KLHL29: variants seen among roughly 807,000 people sequenced by gnomAD.
KLHL29 encodes kelch-like protein 29.
In KLHL29, 21 loss-of-function variants were observed where a neutral mutation model predicts 80.4. The observed-to-expected ratio is 0.26, with a 90% confidence interval of 0.19 to 0.38. KLHL29 has a LOEUF of 0.38. Ranked by LOEUF, KLHL29 falls within the 10% of genes least tolerant of loss-of-function variation. The pLI is 1.00. For synonymous variants in KLHL29, 511 were observed against 526.8 expected (o/e 0.97, Z 0.41); for missense variants, 867 against 1,223.9 (o/e 0.71, Z 4.35).
intron 1 of KLHL29, among the ~76,000 whole-genome samples, chr2:23,408,707 C>G (rs554813616): frequency 5.0e-4 from 76 of 152,280 alleles, no homozygotes; most frequent in African/African-American, 1.7e-3. Flanking sequence ...GAATATTGTA[C>G]TAAAAGATTG....
At chr2:23,516,887 G>C (rs1490404300) in intron 2 of KLHL29, among the ~76,000 whole-genome samples, 1 of 152,240 alleles carries the variant, frequency 6.6e-6, no homozygotes, top group Non-Finnish European at 1.5e-5. Context: ...CAGACCCTCA[G>C]AGCAGAACCA....
chr2:23,526,482 G>A (rs113002899), intron 2 of KLHL29, among the ~76,000 whole-genome samples: 1,976 of 152,312 alleles, frequency 0.013, 37 homozygotes, highest in African/African-American at 0.044. Flanking sequence ...AGCCTGAGAC[G>A]CCCTGAATTC....
rs114850126 is a variant in KLHL29, at chr2:23,400,147, C to T, written c.-154+14367C>T. 1.9e-3 allele frequency among the ~76,000 whole-genome samples: 295 copies of T among 152,260 alleles called. 1 individual carries two copies. Among genetic ancestry groups the T allele is most frequent in the African/African-American group, 6.8e-3 (282 of 41,536 alleles). On this transcript the variant is annotated intron_variant, in intron 1 of 13. Coordinates refer to ENST00000486442, the MANE Select transcript of KLHL29 (RefSeq NM_052920.2). ...TGGACAGATGGCCTTAACAGGTTGACGTCCCTGAGCTGTGATAGCTGCCAC... is the reference window on the plus strand; with the variant it reads ...TGGACAGATGGCCTTAACAGGTTGATGTCCCTGAGCTGTGATAGCTGCCAC...
At chr2:23,639,787 AC>A in intron 4 of KLHL29, among the ~76,000 whole-genome samples, 1 of 152,256 alleles carries the variant, frequency 6.6e-6, no homozygotes, top group Middle Eastern at 3.4e-3. Flanking sequence ...CCCTCAGGAT[AC>A]ACAGAACACC....
chr2:23,493,407 G>C (rs1665162926), intron 2 of KLHL29, among the ~76,000 whole-genome samples: 1 of 152,060 alleles, frequency 6.6e-6, no homozygotes, highest in African/African-American at 2.4e-5. Flanking sequence ...TTTTACTGAT[G>C]ATATTTTCCA....
At chr2:23,685,755 T>C (rs1671227539) in intron 6 of KLHL29, among the ~76,000 whole-genome samples, 1 of 152,146 alleles carries the variant, frequency 6.6e-6, no homozygotes, top group South Asian at 2.1e-4. Context: ...GCATGTGGTC[T>C]GGGGTGAAGG....
At chr2:23,533,826 G>A (rs1666577773) in intron 2 of KLHL29, among the ~76,000 whole-genome samples, 1 of 152,198 alleles carries the variant, frequency 6.6e-6, no homozygotes, top group South Asian at 2.1e-4. Context: ...CAACCTTTGT[G>A]AACCCGGTTT....
At position 23,703,757 on chromosome 2, in the gene KLHL29, G is replaced by A. The variant is rs185152824; in HGVS notation, c.2338G>A (p.Val780Ile). Reference sequence around the variant, plus strand: ...CCCCGCTGTCACGCTCAATGGCTTCGTTTTCATCCTGGGCGGGGCTTATGC... The same window carrying A: ...CCCCGCTGTCACGCTCAATGGCTTCATTTTCATCCTGGGCGGGGCTTATGC... Reference protein sequence around the residue: ...YAPAVTLNGFVFILGGAYARA... With the variant: ...YAPAVTLNGFIFILGGAYARA... The change falls in exon 13 of 14, where the codon GTT (valine) becomes ATT (isoleucine). Residue 780 changes from valine (V) to isoleucine (I), a missense_variant. Physicochemically the swap from Val to Ile is conservative, Grantham distance 29. Transcript: ENST00000486442. 1.7e-4 allele frequency: 269 copies of A among 1,537,272 alleles called. No homozygotes were observed. Among genetic ancestry groups the A allele is most frequent in the Admixed American group, 1.7e-3 (85 of 50,990 alleles).
At chr2:23,512,134 A>T (rs550294297) in intron 2 of KLHL29, among the ~76,000 whole-genome samples, 57 of 152,244 alleles carry the variant, frequency 3.7e-4, no homozygotes, top group Non-Finnish European at 5.3e-4. Context: ...TCTGAGCCTC[A>T]GTTTCCTCGT....
chr2:23,420,501 G>C (rs1662769454), intron 1 of KLHL29, among the ~76,000 whole-genome samples: 1 of 152,148 alleles, frequency 6.6e-6, no homozygotes, highest in South Asian at 2.1e-4. Flanking sequence ...TTCATCTCAG[G>C]GCCCTGCTCA....
rs145233662 is a variant in KLHL29 at position 23,405,530 on chromosome 2, C to T, written c.-154+19750C>T. Among the ~76,000 whole-genome samples, 211 of 152,324 alleles carry T rather than the reference C, an allele frequency of 1.4e-3. 1 individual carries two copies. Among genetic ancestry groups the T allele is most frequent in the African/African-American group, 4.9e-3 (203 of 41,580 alleles). On this transcript the variant is annotated intron_variant, in intron 1 of 13. Transcript: ENST00000486442. Reference sequence around the variant, plus strand: ...CCTTTTCCATGGCCTATGAGAACTTCATCAGGGACTGGTTCTGGTCAGGGG... The same window carrying T: ...CCTTTTCCATGGCCTATGAGAACTTTATCAGGGACTGGTTCTGGTCAGGGG...
chr2:23,436,853 C>G (rs761736009), intron 1 of KLHL29, among the ~76,000 whole-genome samples: 1 of 152,234 alleles, frequency 6.6e-6, no homozygotes, highest in Non-Finnish European at 1.5e-5. Context: ...AGCTGTTTCT[C>G]TGACTAGAAG....
intron 3 of KLHL29, among the ~76,000 whole-genome samples, chr2:23,585,900 A>T (rs1303003885): frequency 6.6e-6 from 1 of 152,152 alleles, no homozygotes; most frequent in African/African-American, 2.4e-5. Flanking sequence ...TTAAAATTAG[A>T]CCAGGCGAAG....
At chr2:23,406,364 A>G (rs1430506293) in intron 1 of KLHL29, among the ~76,000 whole-genome samples, 1 of 150,978 alleles carries the variant, frequency 6.6e-6, no homozygotes, top group Non-Finnish European at 1.5e-5. Context: ...CACACATATT[A>G]TCTAGAGATG....
chr2:23,408,311 T>G (rs1396640969), intron 1 of KLHL29, among the ~76,000 whole-genome samples: 2 of 146,178 alleles, frequency 1.4e-5, no homozygotes, highest in Non-Finnish European at 3.0e-5. Context: ...ATTGAGTTTT[T>G]TTTTTACATG....
Position 23,681,833 on chromosome 2 carries a change from G to A in KLHL29, c.941-2566G>A, listed in dbSNP as rs12105433. On this transcript the variant is annotated intron_variant, in intron 5 of 13. Coordinates refer to ENST00000486442, the MANE Select transcript of KLHL29 (RefSeq NM_052920.2). This position sits in a 1 kb window ranked among gnomAD's most constrained non-coding sequence, Gnocchi z 4.2. ...TGGCTCGTGGTTTGGGCATTAATTC[G>A]GCTGGTGACTCTTTCTGGAGATACG... Among the ~76,000 whole-genome samples the A allele has an allele frequency of 0.033, 5,072 of 152,252 alleles. 102 individuals carry two copies. Among genetic ancestry groups the A allele is most frequent in the South Asian group, 0.087 (416 of 4,802 alleles).
At chr2:23,481,214 G>A (rs1171269038) in intron 2 of KLHL29, among the ~76,000 whole-genome samples, 1 of 152,226 alleles carries the variant, frequency 6.6e-6, no homozygotes, top group Non-Finnish European at 1.5e-5. Context: ...TGTGGCCAAG[G>A]TCAGAAGCAC....
At position 23,503,090 on chromosome 2, in the gene KLHL29, T is replaced by C. The variant is rs1328543132; in HGVS notation, c.-46+27423T>C. On this transcript the variant is annotated intron_variant, in intron 2 of 13. Transcript: ENST00000486442. The surrounding 1 kb of genome is among the most constrained non-coding windows in gnomAD (Gnocchi z 4.0). ...ATAGATGTGTTTTGTTTGAATGTCG[T>C]AGTTGTGCCCTTTGTAAAATTACCC... is the stretch of plus-strand genomic sequence containing the variant. Among the ~76,000 whole-genome samples, 1 of 152,204 alleles carries C rather than the reference T, an allele frequency of 6.6e-6. No homozygotes were observed. The highest frequency in any genetic ancestry group is 1.9e-4 in the East Asian group (1 of 5,202).
chr2:23,459,414 A>T (rs1471799211), intron 1 of KLHL29, among the ~76,000 whole-genome samples: 5 of 152,180 alleles, frequency 3.3e-5, no homozygotes, highest in Admixed American at 2.6e-4. Context: ...CATGGATTAG[A>T]TCATCCAGGG....
Sources: allele counts gnomAD v4.1 joint callset (sites outside exome capture counted in the v4.1 genomes callset), GRCh38; gene constraint gnomAD v4.1.1; non-coding constraint Gnocchi (gnomAD v3.1); transcripts MANE v1.5; gene names NCBI Gene and HGNC (gene_info 2026-07-23, HGNC 2026-07-21).